The following PNPLA7 variants were observed in gnomAD, a reference collection of about 807,000 sequenced individuals.
PNPLA7 encodes the protein patatin-like phospholipase domain-containing protein 7.
In PNPLA7, 153 loss-of-function variants were observed where a neutral mutation model predicts 161.7. That is an observed-to-expected ratio of 0.95 (90% CI 0.83 to 1.08). The LOEUF is 1.08. PNPLA7 is among the 50% of genes least tolerant of loss of function. The pLI is 0.00. For synonymous variants in PNPLA7, 809 were observed against 782.1 expected, an observed-to-expected ratio of 1.03 and a Z score of -0.57; for missense variants, 1,739 against 1,856.6, an observed-to-expected ratio of 0.94 and a Z score of 1.16.
At position 137,545,535 on chromosome 9, in the gene PNPLA7, G is replaced by A. The variant is rs761490616; in HGVS notation, c.273+1295C>T. Among the ~76,000 whole-genome samples the A allele has an allele frequency of 8.5e-5, 13 of 152,316 alleles. No homozygotes were observed. In the South Asian group the frequency reaches 1.0e-3, roughly 12 times the overall value. ...GACAGGGCCTTTGTGAGCGGCAAGC[G>A]ACTGAGGGCATGAGCTGTTCCAGTA... On this transcript the variant is annotated intron_variant, in intron 4 of 34. Transcript: ENST00000406427.
At chr9:137,489,670 C>T (rs1199257909) in intron 20 of PNPLA7, among the ~76,000 whole-genome samples, 2 of 152,148 alleles carry the variant, frequency 1.3e-5, no homozygotes, top group East Asian at 1.9e-4. Flanking sequence ...AGCAAAGAAA[C>T]AGGAGGCACA....
In PNPLA7 at chr9:137,540,407, C is replaced by T. The variant is rs1836130767; in HGVS notation, c.747+235G>A. 6.6e-6 allele frequency among the ~76,000 whole-genome samples: 1 copy of T among 152,218 alleles called. No individual in the cohort carries two copies. Among genetic ancestry groups the T allele is most frequent in the Non-Finnish European group, 1.5e-5 (1 of 68,040 alleles). On this transcript the variant is annotated intron_variant, in intron 8 of 34. Transcript: ENST00000406427. This position sits in a 1 kb window ranked among gnomAD's most constrained non-coding sequence, Gnocchi z 5.1. Reference sequence around the variant, plus strand: ...ATTTATGACCCAGTTCAACAACAGTCATTTAAGAGACAACCAAAACCGTTA... The same window carrying T: ...ATTTATGACCCAGTTCAACAACAGTTATTTAAGAGACAACCAAAACCGTTA...
intron 33 of PNPLA7, 26 bp downstream of exon 33, chr9:137,461,510 C>A (rs754625992): frequency 3.8e-6 from 6 of 1,599,124 alleles, no homozygotes; most frequent in Admixed American, 3.4e-5. Context: ...CACGTCTCCA[C>A]GGCTTCGTCT....
intron 20 of PNPLA7, 127 bp from the exon 21 acceptor site, chr9:137,484,863 G>A (rs1832391419): frequency 3.4e-6 from 4 of 1,174,084 alleles, no homozygotes; most frequent in African/African-American, 1.5e-5. Context: ...TGGCCCTCCC[G>A]CCTCCCCAGT....
intron 9 of PNPLA7, 120 bp from the exon 10 acceptor site, chr9:137,521,836 C>T: frequency 1.3e-6 from 1 of 765,354 alleles, no homozygotes; most frequent in Non-Finnish European, 2.0e-6. Flanking sequence ...ACAGACCGAA[C>T]CCTCTCAGGG....
rs985437230 is a variant in PNPLA7 at position 137,479,279 on chromosome 9, T to C, written c.2581-41A>G. On this transcript the variant is annotated intron_variant, in intron 23 of 34. Coordinates refer to ENST00000406427, the MANE Select transcript of PNPLA7 (RefSeq NM_001098537.3). The stretch of plus-strand genomic sequence containing the variant: ...CACGTGTCTGCCAGCCGGGTGAGCC[T>C]GGGACTCGGGACAGGACGGAGCTGA... The C allele has an allele frequency of 6.7e-6, 10 of 1,485,256 alleles. 1 individual carries two copies. The highest frequency in any genetic ancestry group is 1.8e-4 in the Middle Eastern group (1 of 5,488). The allele number at this position is 1,485,256 out of a possible 1,614,324, so 92.0% of individuals were successfully genotyped here.
chr9:137,521,562 C>G, intron 10 of PNPLA7, 74 bp downstream of exon 10: 1 of 1,468,962 alleles, frequency 6.8e-7, no homozygotes, highest in East Asian at 2.3e-5. Flanking sequence ...GGGCGCCTGC[C>G]GTGCCAACCA....
chr9:137,497,968 G>A (rs1238407067), intron 17 of PNPLA7, 146 bp downstream of exon 17: 3 of 1,286,550 alleles, frequency 2.3e-6, no homozygotes, highest in Non-Finnish European at 3.2e-6. Context: ...CTAAGCTGGG[G>A]TGGGGCTGGG....
chr9:137,506,498 C>T (rs1170930328), intron 12 of PNPLA7, among the ~76,000 whole-genome samples: 3 of 152,182 alleles, frequency 2.0e-5, no homozygotes, highest in Non-Finnish European at 4.4e-5. Context: ...TGCTGCCGCC[C>T]TCTGTATGTG....
chr9:137,550,130 C>A, intron 1 of PNPLA7, 38 bp downstream of exon 1: 1 of 1,612,344 alleles, frequency 6.2e-7, no homozygotes, highest in Non-Finnish European at 8.5e-7. Context: ...TGCCCCCCAA[C>A]TGGGAAATCC....
rs1564277366 is a variant in PNPLA7 at position 137,462,334 on chromosome 9, GCTGCCGTCACAGCCGCCTGAGTCTC to G, written c.3493-28_3493-4del. 1.9e-6 allele frequency: 3 copies of G among 1,594,130 alleles called. No individual in the cohort carries two copies. Among genetic ancestry groups the G allele is most frequent in the Admixed American group, 1.7e-5 (1 of 58,014 alleles). ...TGAATCTCTGCCATGTTCAACACCT[GCTGCCGTCACAGCCGCCTGAGTCTC>G]CTGCCCCGGCCCCTACCCCGTCCCA... On this transcript the variant is annotated splice_region_variant and splice_polypyrimidine_tract_variant and intron_variant, in intron 30 of 34. Coordinates refer to ENST00000406427, the MANE Select transcript of PNPLA7 (RefSeq NM_001098537.3).
At position 137,512,803 on chromosome 9, in the gene PNPLA7, T is replaced by C. The variant is rs1223680885; in HGVS notation, c.1225+2576A>G. 2.1e-5 allele frequency among the ~76,000 whole-genome samples: 3 copies of C among 139,974 alleles called. No homozygotes were observed. In the South Asian group the frequency reaches 6.7e-4, roughly 31 times the overall value. The allele number at this position is 139,974 out of a possible 152,430, so 91.8% of individuals were successfully genotyped here. On this transcript the variant is annotated intron_variant, in intron 12 of 34. Transcript: ENST00000406427. ...GGAAACAAGAAAAATAAAAAGAAAA[T>C]ACAAAAAAAAAAAATGCCAAGTGCA... is the stretch of plus-strand genomic sequence containing the variant.
chr9:137,516,639 T>C (rs1834586572), intron 11 of PNPLA7: 2 of 473,634 alleles, frequency 4.2e-6, no homozygotes, highest in Non-Finnish European at 5.5e-6. Context: ...TAAGATGCCA[T>C]CTTTACAAAA....
chr9:137,489,517 G>C (rs147594126), intron 20 of PNPLA7, among the ~76,000 whole-genome samples: 5 of 151,936 alleles, frequency 3.3e-5, no homozygotes, highest in Admixed American at 2.6e-4. Flanking sequence ...ATCTGAACCA[G>C]AGGAGTAAAA....
chr9:137,461,475 C>T (rs1233235139), intron 33 of PNPLA7, 61 bp downstream of exon 33: 2 of 1,512,920 alleles, frequency 1.3e-6, no homozygotes, highest in Non-Finnish European at 1.8e-6. Flanking sequence ...GGGGTTCAAG[C>T]CCAACACAGC....
chr9:137,491,559 G>C, intron 20 of PNPLA7: 1 of 985,432 alleles, frequency 1.0e-6, no homozygotes, highest in Non-Finnish European at 1.2e-6. Context: ...TAAGTGGAGA[G>C]TGAAGAGTTA....
At chr9:137,522,321 A>G (rs2353074) in intron 9 of PNPLA7, among the ~76,000 whole-genome samples, 1,646 of 143,990 alleles carry the variant, frequency 0.011, 21 homozygotes, top group Non-Finnish European at 0.014. Flanking sequence ...TGATCCGCCC[A>G]CCTCGGCCTC....
intron 20 of PNPLA7, among the ~76,000 whole-genome samples, chr9:137,491,160 GA>G (rs560126209): frequency 1.7e-3 from 255 of 152,244 alleles, no homozygotes; most frequent in African/African-American, 5.8e-3. Context: ...TCAGGAGGCT[GA>G]GGGGGGGGGA....
chr9:137,464,294 G>T, intron 27 of PNPLA7, 46 bp downstream of exon 27: 1 of 1,605,028 alleles, frequency 6.2e-7, no homozygotes, highest in South Asian at 1.1e-5. Context: ...GGCCAGGAGG[G>T]GACAGGCACT....
Sources: gnomAD v4.1 joint callset for allele counts (sites outside exome capture counted in the v4.1 genomes callset) on GRCh38, gnomAD v4.1.1 for gene constraint, Gnocchi (gnomAD v3.1) non-coding constraint, MANE v1.5 for transcripts, NCBI Gene and HGNC (gene_info 2026-07-23, HGNC 2026-07-21) for gene names.